The following CPZ variants were observed in gnomAD, a reference collection of about 807,000 sequenced individuals.
The protein encoded by CPZ is VEZT/CPZ fusion.
In CPZ, 103 loss-of-function variants were observed where a neutral mutation model predicts 61.8. That is an observed-to-expected ratio of 1.67 (90% CI 1.42 to 1.96). CPZ has a LOEUF of 1.96. Ranked by LOEUF, CPZ falls within the 30% of genes most tolerant of loss-of-function variation. The probability of loss-of-function intolerance (pLI) is 0.00; values close to 1 mark genes in which losing one functional copy is unlikely to be tolerated. For missense variants in CPZ, 1,461 were observed against 914.9 expected (o/e 1.60, Z -7.70); for synonymous variants, 551 against 373.7 (o/e 1.47, Z -5.47).
At chr4:8,596,071 C>T (rs1284532050) in intron 1 of CPZ, among the ~76,000 whole-genome samples, 4 of 126,072 alleles carry the variant, frequency 3.2e-5, no homozygotes, top group African/African-American at 7.1e-5. Context: ...TTTTTTTTTT[C>T]AAGATAGAGT....
In CPZ at chr4:8,606,848, G is replaced by A. The variant is rs201029859; in HGVS notation, c.1018G>A (p.Gly340Ser). 30 of 1,613,488 alleles carry A rather than the reference G, an allele frequency of 1.9e-5. No homozygotes were observed. The highest frequency in any genetic ancestry group is 3.3e-5 in the Admixed American group (2 of 60,000). ...GTACTACCGGCTGGCGGAGACCCGC[G>A]GCGCACGCAGCGACCACATCCCCAT... ...SEYYRLAETR[G>S]ARSDHIPIPQ... is the part of the protein sequence containing the mutation. Residue 340 changes from glycine (G) to serine (S), a missense_variant, in exon 6 of 11, where the codon GGC (glycine) becomes AGC (serine). By Grantham distance (56) the Gly-to-Ser change is moderately conservative (BLOSUM62 0). Coordinates refer to ENST00000360986, the MANE Select transcript of CPZ (RefSeq NM_001014447.3).
intron 5 of CPZ, among the ~76,000 whole-genome samples, chr4:8,606,406 A>G (rs769139767): frequency 1.3e-5 from 2 of 152,110 alleles, no homozygotes; most frequent in African/African-American, 4.8e-5. Context: ...GTGATAGAGG[A>G]AAATGATGGA....
rs1265189318 is a variant in CPZ, at chr4:8,606,789, A to T, written c.959A>T (p.Asp320Val). ...GGGAGGCAGAACGCGCAGAACCTGGATCTGAACCGAAATTTCCCGGACCTG... is the reference window on the plus strand; with the variant it reads ...GGGAGGCAGAACGCGCAGAACCTGGTTCTGAACCGAAATTTCCCGGACCTG... ...TSGRQNAQNL[D>V]LNRNFPDLTS... The change falls in exon 6 of 11, where the codon GAT becomes GTT. Residue 320 changes from aspartate (D) to valine (V), a missense_variant. Asp to Val is a radical substitution (Grantham distance 152). Transcript: ENST00000360986. 1 of 1,614,044 alleles carries T rather than the reference A, an allele frequency of 6.2e-7. No homozygotes were observed. Among genetic ancestry groups the T allele is most frequent in the Non-Finnish European group, 8.5e-7 (1 of 1,180,038 alleles).
At chr4:8,607,993 C>G (rs376133175) in intron 7 of CPZ, among the ~76,000 whole-genome samples, 1 of 152,190 alleles carries the variant, frequency 6.6e-6, no homozygotes, top group Non-Finnish European at 1.5e-5. Context: ...CGATGAGACC[C>G]GTGATGATGC....
intron 9 of CPZ, among the ~76,000 whole-genome samples, chr4:8,616,972 T>A (rs529455998): frequency 6.6e-6 from 1 of 152,278 alleles, no homozygotes; most frequent in South Asian, 2.1e-4. Context: ...TTCCATGTGC[T>A]CTGGGTTCCC....
At chr4:8,617,125 T>TGA (rs1480592349) in intron 9 of CPZ, among the ~76,000 whole-genome samples, 163 of 152,300 alleles carry the variant, frequency 1.1e-3, no homozygotes, top group Non-Finnish European at 1.4e-3. Flanking sequence ...GGGTCTGAGC[T>TGA]CACGGGCCGC....
intron 7 of CPZ, 117 bp from the exon 8 acceptor site, chr4:8,611,910 C>T (rs545916677): frequency 1.4e-6 from 2 of 1,409,664 alleles, no homozygotes; most frequent in East Asian, 2.4e-5. Flanking sequence ...GACACCATTC[C>T]CCTCTCCTAT....
At chr4:8,596,991 A>G (rs1443021008) in intron 1 of CPZ, among the ~76,000 whole-genome samples, 2 of 152,228 alleles carry the variant, frequency 1.3e-5, no homozygotes, top group Non-Finnish European at 2.9e-5. Context: ...GGGCCAGGCC[A>G]CGCTCAGTGC....
At position 8,611,968 on chromosome 4, in the gene CPZ, A is replaced by G. The variant is rs924916550; in HGVS notation, c.1228-59A>G. On this transcript the variant is annotated intron_variant, in intron 7 of 10. Transcript: ENST00000360986. The stretch of plus-strand genomic sequence containing the variant: ...CGCAGCTCCTCCCCTCATTGACCCC[A>G]GCTCACAGGACGTCCTGCAGGGGAC... 7.5e-6 allele frequency: 12 copies of G among 1,610,676 alleles called. No homozygotes were observed. The Admixed American group carries it at 2.0e-4, about 27-fold the overall frequency.
chr4:8,595,019 G>A (rs34115963), intron 1 of CPZ, among the ~76,000 whole-genome samples: 1,768 of 152,254 alleles, frequency 0.012, 22 homozygotes, highest in South Asian at 0.043. Context: ...TGATCCACCC[G>A]CCTTGGCCTC....
chr4:8,612,184 A>ACT (rs761150492), intron 8 of CPZ, 22 bp downstream of exon 8: 1 of 277,262 alleles, frequency 3.6e-6, no homozygotes, highest in East Asian at 8.9e-5. Context: ...GCAGGGCGGG[A>ACT]CTGGGCGGGG....
chr4:8,607,264 C>T lies in CPZ; in HGVS notation c.1069-3C>T. ...TGAGGGCGGCCTCGTCTGTCCTGGG[C>T]AGGTGGCCCCGGAGACAAAGGCAAT... On this transcript the variant is annotated splice_polypyrimidine_tract_variant and splice_region_variant and intron_variant, in intron 6 of 10. Transcript: ENST00000360986. The T allele has an allele frequency of 6.2e-7, 1 of 1,613,900 alleles. No homozygotes were observed. Among genetic ancestry groups the T allele is most frequent in the South Asian group, 1.1e-5 (1 of 91,058 alleles).
chr4:8,601,055 T>C (rs1012337035), intron 2 of CPZ, 68 bp from the exon 3 acceptor site: 2 of 1,502,168 alleles, frequency 1.3e-6, no homozygotes, highest in Middle Eastern at 2.3e-4. Flanking sequence ...GTCCCCTACG[T>C]AAATGTCTGA....
Position 8,594,499 on chromosome 4 carries a change from A to G in CPZ, c.88+1578A>G, listed in dbSNP as rs181959177. On this transcript the variant is annotated intron_variant, in intron 1 of 10. Coordinates refer to ENST00000360986, the MANE Select transcript of CPZ (RefSeq NM_001014447.3). The stretch of plus-strand genomic sequence containing the variant: ...CAACTCTGCTGTGTGACCTGGGCAG[A>G]TGGCCTGACCTCTCTGACCTCATTC... 5.9e-5 allele frequency among the ~76,000 whole-genome samples: 9 copies of G among 152,312 alleles called. No individual in the cohort carries two copies. In the East Asian group the frequency reaches 1.4e-3, roughly 23 times the overall value.
chr4:8,611,685 A>T (rs1323117755), intron 7 of CPZ, among the ~76,000 whole-genome samples: 2 of 152,100 alleles, frequency 1.3e-5, no homozygotes, highest in Non-Finnish European at 2.9e-5. Context: ...CTGTCAAGCC[A>T]ACCTGCACAC....
rs1716400667 is a variant in CPZ, at chr4:8,618,509, T to C, written c.1584T>C (p.Ile528=). ...VKNARISVKG[I]RHDITTAPDG... ...ACGCCCGGATCTCAGTCAAAGGCAT[T>C]CGCCACGACATCACCACAGGTGAGC... The change falls in exon 10 of 11, where the codon ATT becomes ATC. Residue 528 remains isoleucine, a synonymous_variant. Coordinates refer to ENST00000360986, the MANE Select transcript of CPZ (RefSeq NM_001014447.3). The C allele has an allele frequency of 6.2e-7, 1 of 1,613,970 alleles. No homozygotes were observed. The highest frequency in any genetic ancestry group is 8.5e-7 in the Non-Finnish European group (1 of 1,180,024).
chr4:8,601,879 C>T lies in CPZ; in HGVS notation c.496+382C>T, dbSNP rs145157748. 2.6e-3 allele frequency: 492 copies of T among 186,638 alleles called. 3 individuals are homozygous for T. In the South Asian group the frequency reaches 0.032, roughly 12 times the overall value. The allele number at this position is 186,638 out of a possible 1,614,324, so 11.6% of individuals were successfully genotyped here. Reference sequence around the variant, plus strand: ...CTGGCCCTGGGGGTCCAGTCCTCAGCCACAGACCCTCCAGAACCATAGTGC... The same window carrying T: ...CTGGCCCTGGGGGTCCAGTCCTCAGTCACAGACCCTCCAGAACCATAGTGC... On this transcript the variant is annotated intron_variant, in intron 3 of 10. Coordinates refer to ENST00000360986, the MANE Select transcript of CPZ (RefSeq NM_001014447.3).
chr4:8,597,647 T>G (rs961586477), intron 1 of CPZ: 1 of 152,174 alleles, frequency 6.6e-6, no homozygotes, highest in South Asian at 2.1e-4. Context: ...CACTCCCAGG[T>G]GCTTTAGGAA....
intron 3 of CPZ, chr4:8,603,771 G>A (rs371197224): frequency 9.1e-5 from 54 of 594,654 alleles, no homozygotes; most frequent in East Asian, 6.7e-4. Context: ...GAACCATGGC[G>A]CTGTGCTGTG....
Sources: gnomAD v4.1 joint callset for allele counts (sites outside exome capture counted in the v4.1 genomes callset) on GRCh38, gnomAD v4.1.1 for gene constraint, MANE v1.5 for transcripts, NCBI Gene and HGNC (gene_info 2026-07-23, HGNC 2026-07-21) for gene names.